The following BROX variants were observed in gnomAD, a reference collection of about 807,000 sequenced individuals.
BROX encodes BRO1 domain-containing protein BROX.
A neutral mutation model predicts 61.0 loss-of-function variants in BROX; 53 were observed. The ratio of observed to expected loss-of-function variants is 0.87; its 90% CI spans 0.70 to 1.09. The LOEUF is 1.09. BROX is among the 50% of genes least tolerant of loss of function. BROX has a pLI of 0.00. For synonymous variants in BROX, 152 were observed against 160.2 expected, an observed-to-expected ratio of 0.95 and a Z score of 0.38; for missense variants, 489 against 472.0, an observed-to-expected ratio of 1.04 and a Z score of -0.33.
Position 222,729,681 on chromosome 1 carries a change from C to G in BROX, c.818C>G (p.Ser273Cys). 1 of 1,612,180 alleles carries G rather than the reference C, an allele frequency of 6.2e-7. No individual in the cohort carries two copies. Among genetic ancestry groups the G allele is most frequent in the African/African-American group, 1.3e-5 (1 of 74,978 alleles). Residue 273 changes from serine (S) to cysteine (C), a missense_variant, in exon 10 of 13, where the codon TCT becomes TGT. Ser to Cys is a moderately radical substitution (Grantham distance 112). Transcript: ENST00000340934. ...ASDKCGEAIR[S>C]LQEAEKLYAK... is the part of the protein sequence containing the mutation. ...GATAAATGCGGTGAAGCAATCAGGT[C>G]TCTCCAAGAAGCAGAAAAATGTAAG...
intron 4 of BROX, 46 bp downstream of exon 4, chr1:222,719,405 CTA>C (rs780213376): frequency 7.4e-7 from 1 of 1,353,718 alleles, no homozygotes; most frequent in South Asian, 1.2e-5. Flanking sequence ...GTTTTTGTAA[CTA>C]TGTAGCCAGT....
chr1:222,715,162 A>G (rs1257608997), intron 1 of BROX: 1 of 152,208 alleles, frequency 6.6e-6, no homozygotes, highest in Non-Finnish European at 1.5e-5. Context: ...ACCAAAATCT[A>G]GTACTTTGCT....
Position 222,719,243 on chromosome 1 carries a change from T to C in BROX, c.209-20T>C, listed in dbSNP as rs373129795. On this transcript the variant is annotated intron_variant, in intron 3 of 12. Coordinates refer to ENST00000340934, the MANE Select transcript of BROX (RefSeq NM_144695.4). The stretch of plus-strand genomic sequence containing the variant: ...TCTTCTAATTCTTCTAAAACTAAAA[T>C]GTCTTGTACTTTTCTATAGGTTTCA... The C allele has an allele frequency of 8.1e-5, 122 of 1,510,842 alleles. No individual in the cohort carries two copies. In the African/African-American group the frequency reaches 1.6e-3, roughly 19 times the overall value. 93.6% of individuals were successfully genotyped at this position (1,510,842 alleles called of 1,614,324 possible). A position where few individuals can be genotyped will look rare whatever the true frequency, so the allele number is the denominator to read the frequency against.
In BROX at chr1:222,731,510, T is replaced by C. The variant is rs1657936121; in HGVS notation, c.1143T>C (p.Asp381=). 5 of 1,583,118 alleles carry C rather than the reference T, an allele frequency of 3.2e-6. No homozygotes were observed. The East Asian group carries it at 1.1e-4, about 36-fold the overall frequency. ...AAFDLTKRPK[D]DSTKPKPEEE... is the part of the protein sequence containing the mutation. ...TTGATCTCACCAAAAGACCCAAGGA[T>C]GACAGTGTATGAGATTGTTTTTTTT... Residue 381 remains aspartate (D), a synonymous_variant, in exon 12 of 13, where the codon GAT becomes GAC. Transcript: ENST00000340934.
At chr1:222,723,061 A>G (rs561870462) in intron 5 of BROX, among the ~76,000 whole-genome samples, 9 of 152,250 alleles carry the variant, frequency 5.9e-5, no homozygotes, top group South Asian at 2.1e-4. Flanking sequence ...GAAACTGTCA[A>G]TTTATGGTTC....
chr1:222,725,385 C>A, intron 6 of BROX, 65 bp from the exon 7 acceptor site: 1 of 1,141,046 alleles, frequency 8.8e-7, no homozygotes, highest in Non-Finnish European at 1.3e-6. Context: ...TTCTTCATCT[C>A]TAACAACTGG....
intron 4 of BROX, among the ~76,000 whole-genome samples, chr1:222,721,979 C>T (rs1395757854): frequency 6.6e-6 from 1 of 152,096 alleles, no homozygotes; most frequent in Non-Finnish European, 1.5e-5. Context: ...TACCATTAAA[C>T]CTTCTTAATT....
rs1264080789 is a variant in BROX, at chr1:222,712,814, C to T, written c.-145C>T. The T allele has an allele frequency of 5.4e-6, 7 of 1,288,536 alleles. No individual in the cohort carries two copies. Among genetic ancestry groups the T allele is most frequent in the African/African-American group, 3.0e-5 (2 of 65,860 alleles). The allele number at this position is 1,288,536 out of a possible 1,614,324, so 79.8% of individuals were successfully genotyped here. A position where few individuals can be genotyped will look rare whatever the true frequency, so the allele number is the denominator to read the frequency against. ...GGGTCACGTGACTCCGGCTTGGCGC[C>T]GTCCTGGTTTTCCGTCACCCTGGTT... On this transcript the variant is annotated 5_prime_UTR_variant, in exon 1 of 13. Transcript: ENST00000340934.
At chr1:222,726,785 T>C (rs781776710) in intron 7 of BROX, among the ~76,000 whole-genome samples, 8 of 151,604 alleles carry the variant, frequency 5.3e-5, no homozygotes, top group Non-Finnish European at 1.0e-4. Context: ...CTCAGGAGAC[T>C]GAGGCAGCAG....
intron 3 of BROX, 42 bp downstream of exon 3, chr1:222,719,073 CTA>C: frequency 2.6e-6 from 4 of 1,515,436 alleles, no homozygotes; most frequent in Non-Finnish European, 3.6e-6. Context: ...AAAAAACTGT[CTA>C]AAAGTTTACA....
At chr1:222,732,539 A>G (rs1191057353) in intron 12 of BROX, 89 bp from the exon 13 acceptor site, 2 of 859,524 alleles carry the variant, frequency 2.3e-6, no homozygotes, top group East Asian at 2.7e-5. Flanking sequence ...TTAATATAGC[A>G]TCTTTTAAAA....
Position 222,735,067 on chromosome 1 carries a change from C to T in BROX, c.*2353C>T, listed in dbSNP as rs1468242452. 6.6e-6 allele frequency: 1 copy of T among 152,164 alleles called. No individual in the cohort carries two copies. Among genetic ancestry groups the T allele is most frequent in the South Asian group, 2.1e-4 (1 of 4,820 alleles). 9.4% of individuals were successfully genotyped at this position (152,164 alleles called of 1,614,324 possible). On this transcript the variant is annotated 3_prime_UTR_variant, in exon 13 of 13. Transcript: ENST00000340934. Reference sequence around the variant, plus strand: ...GCATGAAGGTTATAGAGAGGTGTAACTGTTTGTTAACTATTACATGGATTT... The same window carrying T: ...GCATGAAGGTTATAGAGAGGTGTAATTGTTTGTTAACTATTACATGGATTT...
In BROX at chr1:222,732,214, AATT is replaced by A. The variant is rs532711420; in HGVS notation, c.1150-399_1150-397del. 3.2e-3 allele frequency among the ~76,000 whole-genome samples: 492 copies of A among 151,784 alleles called. 2 individuals are homozygous for A. The highest frequency in any genetic ancestry group is 0.011 in the African/African-American group (469 of 41,432). Reference sequence around the variant, plus strand: ...GTCTAAGCTTTAGGGTTCTTTTCTTAATTATTATTATTATTATACTTTAAGTTT... The same window carrying A: ...GTCTAAGCTTTAGGGTTCTTTTCTTAATTATTATTATTATACTTTAAGTTT... On this transcript the variant is annotated intron_variant, in intron 12 of 12. Coordinates refer to ENST00000340934, the MANE Select transcript of BROX (RefSeq NM_144695.4).
At chr1:222,731,541 C>G (rs376133715) in intron 12 of BROX, 25 bp downstream of exon 12, 14 of 1,565,260 alleles carry the variant, frequency 8.9e-6, no homozygotes, top group Non-Finnish European at 1.2e-5. Context: ...TTTTTTTTCC[C>G]TCTCATTCAC....
intron 7 of BROX, 51 bp from the exon 8 acceptor site, chr1:222,727,117 A>T: frequency 8.2e-7 from 1 of 1,224,106 alleles, no homozygotes; most frequent in Non-Finnish European, 1.2e-6. Flanking sequence ...TGAATTTAGG[A>T]TGAATAAAGT....
chr1:222,722,436 T>C lies in BROX; in HGVS notation c.323T>C (p.Val108Ala). Reference sequence around the variant, plus strand: ...AATTCCAGTGCCCAGCAGGATGCTGTTTTTGAATTAATTTCCATGGGATTT... The same window carrying C: ...AATTCCAGTGCCCAGCAGGATGCTGCTTTTGAATTAATTTCCATGGGATTT... ...GQVPSAQQDA[V>A]FELISMGFNV... The change falls in exon 5 of 13, where the codon GTT becomes GCT. Residue 108 changes from valine (V) to alanine (A), a missense_variant. Physicochemically the swap from Val to Ala is moderately conservative, Grantham distance 64 (BLOSUM62 0). Coordinates refer to ENST00000340934, the MANE Select transcript of BROX (RefSeq NM_144695.4). 1 of 1,613,078 alleles carries C rather than the reference T, an allele frequency of 6.2e-7. No individual in the cohort carries two copies. The highest frequency in any genetic ancestry group is 8.5e-7 in the Non-Finnish European group (1 of 1,179,196).
At chr1:222,729,811 G>A in intron 10 of BROX, 110 bp downstream of exon 10, 5 of 1,141,790 alleles carry the variant, frequency 4.4e-6, no homozygotes, top group Non-Finnish European at 2.5e-6. Flanking sequence ...AAGGGAAATG[G>A]GAATGGGTGA....
intron 11 of BROX, 60 bp from the exon 12 acceptor site, chr1:222,731,297 A>G (rs1325142735): frequency 3.2e-5 from 45 of 1,400,862 alleles, no homozygotes; most frequent in Non-Finnish European, 4.3e-5. Flanking sequence ...GACCTTGAAC[A>G]TATTAGGCAC....
At chr1:222,718,433 T>C (rs1656802136) in intron 2 of BROX, among the ~76,000 whole-genome samples, 1 of 152,156 alleles carries the variant, frequency 6.6e-6, no homozygotes, top group South Asian at 2.1e-4. Flanking sequence ...TTTTATGCAG[T>C]ATATTTTCAC....
Sources: gnomAD v4.1 joint callset for allele counts (sites outside exome capture counted in the v4.1 genomes callset) on GRCh38, gnomAD v4.1.1 for gene constraint, MANE v1.5 for transcripts, NCBI Gene and HGNC (gene_info 2026-07-23, HGNC 2026-07-21) for gene names.